ULK4: variants seen among roughly 807,000 people sequenced by gnomAD.
ULK4 encodes the protein unc-51 like kinase 4, also known as inactive serine/threonine-protein kinase ULK4.
ULK4 carries 133 observed loss-of-function variants against 160.6 expected under a neutral mutation model. The observed-to-expected ratio is 0.83, with a 90% CI of 0.72 to 0.96. The LOEUF is 0.96. Ranked by LOEUF, ULK4 falls within the 40% of genes least tolerant of loss-of-function variation. The probability of loss-of-function intolerance (pLI) is 0.00; values close to 1 mark genes in which losing one functional copy is unlikely to be tolerated. For synonymous variants in ULK4, 534 were observed against 539.8 expected (o/e 0.99, Z 0.15); for missense variants, 1,580 against 1,499.5 (o/e 1.05, Z -0.89).
intron 30 of ULK4, among the ~76,000 whole-genome samples, chr3:41,656,338 T>C (rs562654456): frequency 6.6e-6 from 1 of 152,288 alleles, no homozygotes; most frequent in Non-Finnish European, 1.5e-5. Flanking sequence ...TAGGTACAGA[T>C]AAATGAAGTA....
intron 29 of ULK4, among the ~76,000 whole-genome samples, chr3:41,668,750 G>A (rs1363065817): frequency 6.6e-6 from 1 of 152,100 alleles, no homozygotes; most frequent in Non-Finnish European, 1.5e-5. Flanking sequence ...TCAAGAAAAT[G>A]TATCTCTAAT....
intron 30 of ULK4, among the ~76,000 whole-genome samples, chr3:41,646,762 CTCCTGGATAATA>C (rs58502283): frequency 0.061 from 9,301 of 152,180 alleles, 947 homozygotes; most frequent in African/African-American, 0.21. Context: ...TAGGGAAGTT[CTCCTGGATAATA>C]TCCTGAAGAG....
At chr3:41,943,503 A>G (rs1391281191) in intron 2 of ULK4, among the ~76,000 whole-genome samples, 1 of 152,200 alleles carries the variant, frequency 6.6e-6, no homozygotes, top group Admixed American at 6.5e-5. Flanking sequence ...TCAAGCAGGT[A>G]AAGCAGAAAC....
At chr3:41,290,258 C>T (rs887613604) in intron 35 of ULK4, among the ~76,000 whole-genome samples, 11 of 152,066 alleles carry the variant, frequency 7.2e-5, no homozygotes, top group South Asian at 2.1e-4. Flanking sequence ...ACAATGATGC[C>T]GACAGCTAAG....
At chr3:41,419,304 T>C (rs2082603917) in intron 34 of ULK4, among the ~76,000 whole-genome samples, 1 of 152,008 alleles carries the variant, frequency 6.6e-6, no homozygotes, top group Non-Finnish European at 1.5e-5. Context: ...AAGGAGAGGC[T>C]AGAAAACGAG....
intron 32 of ULK4, among the ~76,000 whole-genome samples, chr3:41,512,339 C>T (rs755237385): frequency 1.3e-5 from 2 of 152,158 alleles, no homozygotes; most frequent in African/African-American, 2.4e-5. Context: ...GTCAAACTGT[C>T]GCTGTTTGCT....
At chr3:41,806,591 G>A (rs1283411599) in intron 19 of ULK4, among the ~76,000 whole-genome samples, 1 of 151,768 alleles carries the variant, frequency 6.6e-6, no homozygotes, top group African/African-American at 2.4e-5. Context: ...TGTCAATTTT[G>A]GATCTTTCCT....
At chr3:41,883,390 C>T (rs973381585) in intron 17 of ULK4, among the ~76,000 whole-genome samples, 3 of 152,188 alleles carry the variant, frequency 2.0e-5, no homozygotes, top group African/African-American at 4.8e-5. Flanking sequence ...TTCACCTATG[C>T]TGACTCTTGA....
At chr3:41,431,353 A>C (rs2082901076) in intron 34 of ULK4, among the ~76,000 whole-genome samples, 1 of 118,016 alleles carries the variant, frequency 8.5e-6, no homozygotes, top group Non-Finnish European at 1.8e-5. Context: ...TCACACACAC[A>C]CAAATAATAA....
intron 2 of ULK4, among the ~76,000 whole-genome samples, chr3:41,946,188 C>T (rs1700106895): frequency 6.6e-6 from 1 of 152,092 alleles, no homozygotes. Flanking sequence ...AAAAGATTCA[C>T]TCAAAATGGA....
At chr3:41,862,757 G>A (rs1204572115) in intron 17 of ULK4, among the ~76,000 whole-genome samples, 1 of 147,514 alleles carries the variant, frequency 6.8e-6, no homozygotes, top group Non-Finnish European at 1.5e-5. Context: ...TACAGAGTCA[G>A]TCAGTCAGTC....
At chr3:41,307,401 A>G (rs72863455) in intron 35 of ULK4, among the ~76,000 whole-genome samples, 12,979 of 152,196 alleles carry the variant, frequency 0.085, 1,415 homozygotes, top group African/African-American at 0.25. Context: ...AAGTATGTTA[A>G]TATTTTTCTT....
intron 35 of ULK4, among the ~76,000 whole-genome samples, chr3:41,385,185 T>C (rs977333942): frequency 6.6e-6 from 1 of 152,192 alleles, no homozygotes; most frequent in Non-Finnish European, 1.5e-5. Flanking sequence ...AGAAAACACA[T>C]ACATACAACA....
intron 30 of ULK4, among the ~76,000 whole-genome samples, chr3:41,660,494 C>T (rs1348280375): frequency 3.3e-5 from 5 of 152,100 alleles, no homozygotes; most frequent in African/African-American, 1.2e-4. Flanking sequence ...ATTACTCATT[C>T]CAAAATGTTA....
chr3:41,257,172 T>C (rs2078851179), intron 35 of ULK4, among the ~76,000 whole-genome samples: 1 of 152,154 alleles, frequency 6.6e-6, no homozygotes, highest in African/African-American at 2.4e-5. Flanking sequence ...ATTAGGGAAA[T>C]GCATATTAAA....
At chr3:41,283,915 C>G (rs2079410713) in intron 35 of ULK4, among the ~76,000 whole-genome samples, 1 of 151,910 alleles carries the variant, frequency 6.6e-6, no homozygotes. Flanking sequence ...CCAACAGTGA[C>G]CAAGCGGAGA....
At chr3:41,398,309 T>A (rs746490434) in intron 34 of ULK4, 45 bp from the exon 35 acceptor site, 2 of 1,583,468 alleles carry the variant, frequency 1.3e-6, no homozygotes, top group Non-Finnish European at 1.7e-6. Context: ...TTGAAGACGG[T>A]ATTAGTACTC....
rs1176728063 is a variant in ULK4, at chr3:41,496,030, C to G, written c.3227-32777G>C. ...TTTCTGTAGTGAAATACAACATTAACAAAATCAAAAGTCAAACAATAAAGT... is the reference window on the plus strand; with the variant it reads ...TTTCTGTAGTGAAATACAACATTAAGAAAATCAAAAGTCAAACAATAAAGT... On this transcript the variant is annotated intron_variant, in intron 32 of 36. Transcript: ENST00000301831. Among the ~76,000 whole-genome samples the G allele has an allele frequency of 2.6e-5, 4 of 151,884 alleles. No individual in the cohort carries two copies. The Middle Eastern group carries it at 0.01, about 387-fold the overall frequency.
At chr3:41,540,234 G>T (rs1208928387) in intron 32 of ULK4, among the ~76,000 whole-genome samples, 1 of 151,358 alleles carries the variant, frequency 6.6e-6, no homozygotes, top group Admixed American at 6.6e-5. Flanking sequence ...ATAGGCCCCA[G>T]TGTGTGATGC....
Sources: gnomAD v4.1 joint callset for allele counts (sites outside exome capture counted in the v4.1 genomes callset) on GRCh38, gnomAD v4.1.1 for gene constraint, MANE v1.5 for transcripts, NCBI Gene and HGNC (gene_info 2026-07-23, HGNC 2026-07-21) for gene names.